The following SENP7 variants were observed in gnomAD, a reference collection of about 807,000 sequenced individuals.
The protein encoded by SENP7 is sentrin-specific protease 7.
A neutral mutation model predicts 141.2 loss-of-function variants in SENP7; 64 were observed. That is an observed-to-expected ratio of 0.45 (90% CI 0.37 to 0.56). The LOEUF (loss-of-function observed/expected upper bound fraction) is 0.56, where lower values mean the gene tolerates loss of function less well. Ranked by LOEUF, SENP7 falls within the 20% of genes least tolerant of loss-of-function variation. SENP7 has a pLI of 0.00. For missense variants in SENP7, 1,025 were observed against 1,212.2 expected (o/e 0.85, Z 2.29); for synonymous variants, 382 against 426.4 (o/e 0.90, Z 1.28).
At chr3:101,465,737 T>C (rs371097592) in intron 3 of SENP7, among the ~76,000 whole-genome samples, 1 of 151,074 alleles carries the variant, frequency 6.6e-6, no homozygotes, top group Admixed American at 6.6e-5. Context: ...ATGAGAAACA[T>C]GAAAAAGCAA....
intron 13 of SENP7, among the ~76,000 whole-genome samples, chr3:101,344,991 CAAAAAAAAAAAAAAAA>C (rs71132568): frequency 4.9e-5 from 3 of 61,342 alleles, no homozygotes; most frequent in African/African-American, 1.3e-4. Context: ...AAAAAGAAAG[CAAAAAAAAAAAAAAAA>C]AAAAAAAAAA....
rs910371460 is a variant in SENP7, at chr3:101,512,045, C to A, written c.40+1046G>T. Among the ~76,000 whole-genome samples, 4 of 152,166 alleles carry A rather than the reference C, an allele frequency of 2.6e-5. No homozygotes were observed. The South Asian group carries it at 8.3e-4, about 32-fold the overall frequency. On this transcript the variant is annotated intron_variant, in intron 1 of 23. Transcript: ENST00000394095. Reference sequence around the variant, plus strand: ...CAATGTTAGCCAGGATGGTCTCGATCTCCTGACTTTGTGATCCGACCGCCT... The same window carrying A: ...CAATGTTAGCCAGGATGGTCTCGATATCCTGACTTTGTGATCCGACCGCCT...
chr3:101,451,765 G>A (rs2063144947), intron 4 of SENP7, among the ~76,000 whole-genome samples: 1 of 152,108 alleles, frequency 6.6e-6, no homozygotes, highest in Admixed American at 6.5e-5. Flanking sequence ...CATACTGAAT[G>A]GGCAAAAACT....
chr3:101,484,584 G>A (rs558565768), intron 3 of SENP7, among the ~76,000 whole-genome samples: 5 of 152,312 alleles, frequency 3.3e-5, no homozygotes, highest in Admixed American at 1.3e-4. Flanking sequence ...GGGAAAGGGA[G>A]ACCTCCCTCT....
chr3:101,464,274 T>C (rs2063686361), intron 3 of SENP7, among the ~76,000 whole-genome samples: 1 of 152,100 alleles, frequency 6.6e-6, no homozygotes. Flanking sequence ...TGACCAAATT[T>C]TAAAAAGCAC....
intron 2 of SENP7, among the ~76,000 whole-genome samples, chr3:101,495,885 C>T (rs766062752): frequency 3.3e-5 from 5 of 152,126 alleles, no homozygotes; most frequent in African/African-American, 9.7e-5. Flanking sequence ...AAGTGTACCC[C>T]GAGCTTAAAT....
At chr3:101,332,581 A>C (rs1387034289) in intron 18 of SENP7, among the ~76,000 whole-genome samples, 189 bp downstream of exon 18, 1 of 151,918 alleles carries the variant, frequency 6.6e-6, no homozygotes, top group Non-Finnish European at 1.5e-5. Flanking sequence ...CTACTTTTAC[A>C]ACATAACCAT....
chr3:101,474,105 A>G (rs2064120221), intron 3 of SENP7, among the ~76,000 whole-genome samples: 1 of 151,292 alleles, frequency 6.6e-6, no homozygotes, highest in African/African-American at 2.4e-5. Context: ...CCTGTAGCAT[A>G]GCTTGAAGTT....
intron 4 of SENP7, among the ~76,000 whole-genome samples, chr3:101,456,375 C>T (rs565343594): frequency 1.3e-5 from 2 of 152,032 alleles, no homozygotes; most frequent in Non-Finnish European, 2.9e-5. Context: ...CCACATTGTT[C>T]TTTATTAAGA....
intron 1 of SENP7, among the ~76,000 whole-genome samples, chr3:101,509,294 C>G (rs2065754322): frequency 6.6e-6 from 1 of 152,148 alleles, no homozygotes; most frequent in African/African-American, 2.4e-5. Flanking sequence ...GCCCCATTTC[C>G]TCACTGCCAC....
chr3:101,456,081 G>A (rs181362777), intron 4 of SENP7, among the ~76,000 whole-genome samples: 86 of 151,804 alleles, frequency 5.7e-4, no homozygotes, highest in African/African-American at 2.0e-3. Context: ...CACATTCCCC[G>A]GAAATATTTT....
chr3:101,403,163 G>A (rs2061200211), intron 5 of SENP7, among the ~76,000 whole-genome samples: 1 of 152,188 alleles, frequency 6.6e-6, no homozygotes, highest in Non-Finnish European at 1.5e-5. Flanking sequence ...CCGCCATAAA[G>A]TGAGTATCAC....
chr3:101,375,018 T>C (rs951892094), intron 6 of SENP7, among the ~76,000 whole-genome samples: 1 of 152,040 alleles, frequency 6.6e-6, no homozygotes. Context: ...ATGTTCAACG[T>C]CACTAATCAC....
chr3:101,494,422 CCTT>C lies in SENP7; in HGVS notation c.91-457_91-455del, dbSNP rs142613124. Among the ~76,000 whole-genome samples, 1,439 of 152,178 alleles carry C rather than the reference CCTT, an allele frequency of 9.5e-3. 24 individuals are homozygous for C. The highest frequency in any genetic ancestry group is 0.033 in the African/African-American group (1,385 of 41,526). On this transcript the variant is annotated intron_variant, in intron 2 of 23. Transcript: ENST00000394095. The stretch of plus-strand genomic sequence containing the variant: ...ACCCAACCACAATGAATGAAATCAA[CCTT>C]CTTCAAACACATCATATTATTTTAT...
chr3:101,365,369 C>T (rs139149149), intron 9 of SENP7, among the ~76,000 whole-genome samples: 1 of 151,898 alleles, frequency 6.6e-6, no homozygotes, highest in Non-Finnish European at 1.5e-5. Context: ...GGAGCAGTGG[C>T]TCACTCCTGT....
chr3:101,410,287 G>A (rs953382019), intron 5 of SENP7, among the ~76,000 whole-genome samples: 1 of 152,046 alleles, frequency 6.6e-6, no homozygotes, highest in Non-Finnish European at 1.5e-5. Context: ...GTAGATGTTG[G>A]CATGGATGTG....
intron 6 of SENP7, among the ~76,000 whole-genome samples, chr3:101,381,094 T>C (rs1463457383): frequency 6.6e-6 from 1 of 152,190 alleles, no homozygotes; most frequent in African/African-American, 2.4e-5. Context: ...AGTGGTTAAT[T>C]CTAAGGCGAA....
chr3:101,424,191 G>A (rs1399012777), intron 4 of SENP7, among the ~76,000 whole-genome samples: 3 of 152,070 alleles, frequency 2.0e-5, no homozygotes, highest in Admixed American at 6.5e-5. Flanking sequence ...GTGCCCTGGG[G>A]TCCTGTATCA....
chr3:101,401,877 G>A (rs555889958), intron 5 of SENP7, among the ~76,000 whole-genome samples: 4 of 152,080 alleles, frequency 2.6e-5, no homozygotes, highest in African/African-American at 7.2e-5. Context: ...TCAGCTACTC[G>A]GGAGACTGAA....
Sources: gnomAD v4.1 joint callset for allele counts (sites outside exome capture counted in the v4.1 genomes callset) on GRCh38, gnomAD v4.1.1 for gene constraint, MANE v1.5 for transcripts, NCBI Gene and HGNC (gene_info 2026-07-23, HGNC 2026-07-21) for gene names.